Variants in DTHD1 observed in about 807,000 individuals in gnomAD.
DTHD1 encodes the protein death domain containing 1.
DTHD1 carries 59 observed loss-of-function variants against 74.8 expected under a neutral mutation model. The observed-to-expected ratio is 0.79, with a 90% CI of 0.64 to 0.98. The LOEUF (loss-of-function observed/expected upper bound fraction) is 0.98. Ranked by LOEUF, DTHD1 falls within the 50% of genes least tolerant of loss-of-function variation. The probability of loss-of-function intolerance (pLI) is 0.00; values close to 1 mark genes in which losing one functional copy is unlikely to be tolerated. For synonymous variants in DTHD1, 365 were observed against 371.1 expected (o/e 0.98, Z 0.19); for missense variants, 1,051 against 1,065.4 (o/e 0.99, Z 0.19).
intron 9 of DTHD1, 106 bp from the exon 10 acceptor site, chr4:36,343,396 C>G (rs1759427994): frequency 3.5e-6 from 4 of 1,128,740 alleles, no homozygotes; most frequent in Non-Finnish European, 3.7e-6. Context: ...GCTCCAAGGC[C>G]AAACAAAAGA....
intron 8 of DTHD1, among the ~76,000 whole-genome samples, chr4:36,330,953 C>T (rs1229551618): frequency 6.6e-6 from 1 of 151,618 alleles, no homozygotes; most frequent in Non-Finnish European, 1.5e-5. Flanking sequence ...TTCAGCATAC[C>T]CTTTACTGTT....
At chr4:36,339,078 C>A in intron 8 of DTHD1, 34 bp from the exon 9 acceptor site, 3 of 1,502,816 alleles carry the variant, frequency 2.0e-6, no homozygotes, top group South Asian at 2.5e-5. Flanking sequence ...TTAATTACTT[C>A]TTCTGTTTAT....
In DTHD1 at chr4:36,293,602, C is replaced by T. The variant is rs1278377276; in HGVS notation, c.1295C>T (p.Thr432Ile). 4 of 1,549,524 alleles carry T rather than the reference C, an allele frequency of 2.6e-6. No individual in the cohort carries two copies. The highest frequency in any genetic ancestry group is 1.7e-6 in the Non-Finnish European group (2 of 1,145,550). ...VVSCLKKESF[T>I]VTKKGLALKS... ...TCTTGTTTAAAGAAAGAGTCGTTCA[C>T]AGTAACAAAGAAAGGCCTCGCTCTT... The change falls in exon 4 of 10, where the codon ACA becomes ATA. Residue 432 changes from threonine (T) to isoleucine (I), a missense_variant. Transcript: ENST00000639862.
At chr4:36,298,010 T>C (rs772335163) in intron 5 of DTHD1, among the ~76,000 whole-genome samples, 2 of 151,998 alleles carry the variant, frequency 1.3e-5, no homozygotes, top group Non-Finnish European at 2.9e-5. Context: ...CTATTTGTCA[T>C]CAGTTAAATT....
At position 36,326,273 on chromosome 4, in the gene DTHD1, T is replaced by C. The variant is rs112660700; in HGVS notation, c.2340+9787T>C. The stretch of plus-strand genomic sequence containing the variant: ...AAGCACTTTGAATATATATATAACA[T>C]ATATATTATATATATAAACATATGG... On this transcript the variant is annotated intron_variant, in intron 8 of 9. Coordinates refer to ENST00000639862, the MANE Select transcript of DTHD1 (RefSeq NM_001170700.3). Among the ~76,000 whole-genome samples, 5 of 149,482 alleles carry C rather than the reference T, an allele frequency of 3.3e-5. No homozygotes were observed. In the South Asian group the frequency reaches 8.4e-4, roughly 25 times the overall value.
intron 8 of DTHD1, among the ~76,000 whole-genome samples, chr4:36,327,920 C>T (rs1560814377): frequency 6.6e-6 from 1 of 152,102 alleles, no homozygotes; most frequent in Non-Finnish European, 1.5e-5. Flanking sequence ...TACCAGGGGC[C>T]TAAAGCTGTC....
chr4:36,294,988 A>G lies in DTHD1; in HGVS notation c.1592A>G (p.Lys531Arg). 6.4e-7 allele frequency: 1 copy of G among 1,551,116 alleles called. No homozygotes were observed. Among genetic ancestry groups the G allele is most frequent in the East Asian group, 2.4e-5 (1 of 40,884 alleles). Residue 531 changes from lysine (K) to arginine (R), a missense_variant, in exon 5 of 10, where the codon AAA (lysine) becomes AGA (arginine). Coordinates refer to ENST00000639862, the MANE Select transcript of DTHD1 (RefSeq NM_001170700.3). The part of the protein sequence containing the change: ...KNNLGSEIDH[K>R]RRASATINRI... ...AACCTTGGTTCTGAGATAGATCATA[A>G]AAGAAGAGCAAGTGCCACAATAAAT... is the stretch of plus-strand genomic sequence containing the variant.
chr4:36,322,603 C>T (rs116462234), intron 8 of DTHD1, among the ~76,000 whole-genome samples: 2,084 of 151,978 alleles, frequency 0.014, 28 homozygotes, highest in Non-Finnish European at 0.021. Context: ...CGAAGGAAGG[C>T]TGTGATGGTC....
In DTHD1 at chr4:36,282,019, C is replaced by CA. The variant is rs1755429225; in HGVS notation, c.261_262insA (p.Ser88IlefsTer17). The CA allele has an allele frequency of 2.6e-6, 4 of 1,523,014 alleles. No homozygotes were observed. Among genetic ancestry groups the CA allele is most frequent in the Non-Finnish European group, 3.5e-6 (4 of 1,132,000 alleles). 94.3% of individuals were successfully genotyped at this position (1,523,014 alleles called of 1,614,324 possible). A position where few individuals can be genotyped will look rare whatever the true frequency, so the allele number is the denominator to read the frequency against. ...TGCTTGACAAAGAGAATCAATGTGT[C>CA]TCGAGAAAAGGCAAGTATTCTTTTT... is the stretch of plus-strand genomic sequence containing the variant. On this transcript the variant is annotated frameshift_variant, in exon 1 of 10. Coordinates refer to ENST00000639862, the MANE Select transcript of DTHD1 (RefSeq NM_001170700.3). LOFTEE classifies it high-confidence loss of function.
intron 7 of DTHD1, chr4:36,311,441 C>T (rs1757402211): frequency 6.6e-6 from 1 of 152,238 alleles, no homozygotes; most frequent in South Asian, 2.1e-4. Context: ...GATTCTCTGC[C>T]TGGAGGGTTC....
chr4:36,287,690 G>C (rs1755792990), intron 2 of DTHD1, among the ~76,000 whole-genome samples: 1 of 152,202 alleles, frequency 6.6e-6, no homozygotes, highest in Non-Finnish European at 1.5e-5. Flanking sequence ...GCAGGAGTAA[G>C]GTGGTATTGC....
chr4:36,323,919 C>T (rs79110436), intron 8 of DTHD1, among the ~76,000 whole-genome samples: 2 of 152,156 alleles, frequency 1.3e-5, no homozygotes, highest in African/African-American at 2.4e-5. Flanking sequence ...AACTCTGGCA[C>T]TCCATGCATC....
At chr4:36,290,186 T>A (rs1578436924) in intron 2 of DTHD1, among the ~76,000 whole-genome samples, 187 bp from the exon 3 acceptor site, 1 of 152,182 alleles carries the variant, frequency 6.6e-6, no homozygotes, top group East Asian at 1.9e-4. Context: ...TATTATGTTA[T>A]CACCATTTTA....
In DTHD1 at chr4:36,316,457, A is replaced by T; in HGVS notation, c.2311A>T (p.Ile771Phe). The stretch of plus-strand genomic sequence containing the variant: ...TAATGAAAACCATTCTCAGTTGCCA[A>T]TTTGCAAATTACCATTGAAATTGCC... ...VINENHSQLP[I>F]CKLPLKLPKH... Residue 771 changes from isoleucine to phenylalanine, a missense_variant, in exon 8 of 10, where the codon ATT becomes TTT. Physicochemically the swap from Ile to Phe is conservative, Grantham distance 21 (BLOSUM62 0). Transcript: ENST00000639862. The T allele has an allele frequency of 6.5e-7, 1 of 1,549,866 alleles. No individual in the cohort carries two copies. Among genetic ancestry groups the T allele is most frequent in the Non-Finnish European group, 8.7e-7 (1 of 1,146,590 alleles).
At chr4:36,285,255 T>G (rs1305014500) in intron 2 of DTHD1, among the ~76,000 whole-genome samples, 1 of 152,150 alleles carries the variant, frequency 6.6e-6, no homozygotes, top group Non-Finnish European at 1.5e-5. Flanking sequence ...TACTACGAGT[T>G]CAAATATAAT....
In DTHD1 at chr4:36,310,902, C is replaced by T. The variant is rs1204237064; in HGVS notation, c.2095+2409C>T. Among the ~76,000 whole-genome samples, 5 of 152,012 alleles carry T rather than the reference C, an allele frequency of 3.3e-5. No individual in the cohort carries two copies. The East Asian group carries it at 9.7e-4, about 29-fold the overall frequency. ...AGAGGAAGGAAGGGTGGAAGAGGCC[C>T]CTTCCTACTTGGCTTCCGGAGCAGA... On this transcript the variant is annotated intron_variant, in intron 7 of 9. Transcript: ENST00000639862.
At chr4:36,330,671 T>C (rs10517371) in intron 8 of DTHD1, among the ~76,000 whole-genome samples, 10,229 of 152,166 alleles carry the variant, frequency 0.067, 641 homozygotes, top group Admixed American at 0.21. Context: ...ATCCTAGCCA[T>C]ATTACCTTGG....
At position 36,299,472 on chromosome 4, in the gene DTHD1, C is replaced by T. The variant is rs1383359136; in HGVS notation, c.1643+4433C>T. ...TCTTTTCTTTGCACTTGGTGTTTTG[C>T]GTCTATGTATGATCTGTCTAGATAC... On this transcript the variant is annotated intron_variant, in intron 5 of 9. Coordinates refer to ENST00000639862, the MANE Select transcript of DTHD1 (RefSeq NM_001170700.3). Among the ~76,000 whole-genome samples the T allele has an allele frequency of 7.9e-5, 12 of 152,084 alleles. 1 individual carries two copies. The highest frequency in any genetic ancestry group is 7.9e-4 in the Admixed American group (12 of 15,264).
rs1755595230 is a variant in DTHD1 at position 36,284,582 on chromosome 4, T to C, written c.878T>C (p.Met293Thr). 5.9e-6 allele frequency: 9 copies of C among 1,512,898 alleles called. No individual in the cohort carries two copies. Among genetic ancestry groups the C allele is most frequent in the African/African-American group, 1.4e-5 (1 of 71,636 alleles). 93.7% of individuals were successfully genotyped at this position (1,512,898 alleles called of 1,614,324 possible). ...SENIKHKNNI[M>T]EKEYLDVLSD... Reference sequence around the variant, plus strand: ...AATATAAAGCACAAGAATAACATAATGGAAAAGGAGTAAGTAAATGCAATG... The same window carrying C: ...AATATAAAGCACAAGAATAACATAACGGAAAAGGAGTAAGTAAATGCAATG... Residue 293 changes from methionine (M) to threonine (T), a missense_variant, in exon 2 of 10, where the codon ATG becomes ACG. By Grantham distance (81) the Met-to-Thr change is moderately conservative. Transcript: ENST00000639862.
Sources: gnomAD v4.1 joint callset for allele counts (sites outside exome capture counted in the v4.1 genomes callset) on GRCh38, gnomAD v4.1.1 for gene constraint, MANE v1.5 for transcripts, NCBI Gene and HGNC (gene_info 2026-07-23, HGNC 2026-07-21) for gene names.